Variants in IGFBP2 observed in about 807,000 individuals in gnomAD.
The protein encoded by IGFBP2 is insulin-like growth factor-binding protein 2.
IGFBP2 carries 12 observed loss-of-function variants against 26.2 expected under a neutral mutation model. The ratio of observed to expected loss-of-function variants is 0.46; its 90% CI spans 0.29 to 0.74. The LOEUF (loss-of-function observed/expected upper bound fraction) is 0.74. Ranked by LOEUF, IGFBP2 falls within the 30% of genes least tolerant of loss-of-function variation. IGFBP2 has a pLI of 0.09. For synonymous variants in IGFBP2, 189 were observed against 200.6 expected (o/e 0.94, Z 0.49); for missense variants, 328 against 441.2 (o/e 0.74, Z 2.30).
At chr2:216,656,279 C>A (rs757306412) in intron 1 of IGFBP2, among the ~76,000 whole-genome samples, 20 of 152,272 alleles carry the variant, frequency 1.3e-4, no homozygotes, top group South Asian at 4.1e-4. Flanking sequence ...GGCTGAAAGT[C>A]CTCTAGGAAG....
chr2:216,660,520 T>G, intron 1 of IGFBP2, 37 bp from the exon 2 acceptor site: 1 of 1,521,142 alleles, frequency 6.6e-7, no homozygotes, highest in Non-Finnish European at 8.9e-7. Flanking sequence ...TCTGGGAAAC[T>G]GGACCTGGAG....
chr2:216,649,137 G>T (rs1304276432), intron 1 of IGFBP2, among the ~76,000 whole-genome samples: 2 of 152,184 alleles, frequency 1.3e-5, no homozygotes, highest in Non-Finnish European at 2.9e-5. Context: ...ATATATGATA[G>T]ATGACCAATA....
intron 1 of IGFBP2, among the ~76,000 whole-genome samples, chr2:216,654,713 C>T (rs1184206133): frequency 6.6e-6 from 1 of 152,244 alleles, no homozygotes; most frequent in Non-Finnish European, 1.5e-5. Flanking sequence ...TCTTGTTAAA[C>T]CATCTTTAAA....
intron 1 of IGFBP2, among the ~76,000 whole-genome samples, chr2:216,638,127 G>C (rs1697536598): frequency 6.6e-6 from 1 of 152,046 alleles, no homozygotes; most frequent in Non-Finnish European, 1.5e-5. Flanking sequence ...GGTGGAGCTT[G>C]CAGTGAGCTG....
chr2:216,652,678 G>A (rs893051663), intron 1 of IGFBP2, among the ~76,000 whole-genome samples: 7 of 152,220 alleles, frequency 4.6e-5, no homozygotes, highest in African/African-American at 1.7e-4. Flanking sequence ...AGCAGGGGGA[G>A]GAGGATGGTG....
In IGFBP2 at chr2:216,664,282, T is replaced by C; in HGVS notation, c.*178T>C. The C allele has an allele frequency of 1.3e-5, 6 of 475,372 alleles. No homozygotes were observed. Among genetic ancestry groups the C allele is most frequent in the South Asian group, 4.7e-5 (1 of 21,326 alleles). 29.4% of individuals were successfully genotyped at this position (475,372 alleles called of 1,614,324 possible). ...CCTCCCCGGCCTCTCTCTTCCCAGC[T>C]GCAGATGCCACACCTGCTCCTTCTT... On this transcript the variant is annotated 3_prime_UTR_variant, in exon 4 of 4. Coordinates refer to ENST00000233809, the MANE Select transcript of IGFBP2 (RefSeq NM_000597.3). This position sits in a 1 kb window ranked among gnomAD's most constrained non-coding sequence, Gnocchi z 4.6.
At chr2:216,645,602 G>C (rs1697696694) in intron 1 of IGFBP2, among the ~76,000 whole-genome samples, 1 of 152,228 alleles carries the variant, frequency 6.6e-6, no homozygotes, top group African/African-American at 2.4e-5. Context: ...CAGAAACTCA[G>C]ATAATCAAAT....
chr2:216,633,743 C>A lies in IGFBP2; in HGVS notation c.220C>A (p.Pro74Thr), dbSNP rs1487100362. The change falls in exon 1 of 4, where the codon CCA becomes ACA. Residue 74 changes from proline to threonine, a missense_variant. By Grantham distance (38) the Pro-to-Thr change is conservative. Coordinates refer to ENST00000233809, the MANE Select transcript of IGFBP2 (RefSeq NM_000597.3). ...CGCAGTGGCCGGAGGCGCCCGCATG[C>A]CATGCGCGGAGCTCGTCCGGGAGCC... ...VAAVAGGARM[P>T]CAELVREPGC... The A allele has an allele frequency of 3.1e-6, 4 of 1,288,268 alleles. No individual in the cohort carries two copies. The highest frequency in any genetic ancestry group is 4.1e-5 in the Admixed American group (1 of 24,194). 79.8% of individuals were successfully genotyped at this position (1,288,268 alleles called of 1,614,324 possible).
At chr2:216,647,221 C>A (rs1158213613) in intron 1 of IGFBP2, among the ~76,000 whole-genome samples, 1 of 151,990 alleles carries the variant, frequency 6.6e-6, no homozygotes, top group Non-Finnish European at 1.5e-5. Flanking sequence ...TCTACTTCTT[C>A]AGTCTTGGAA....
rs1553545477 is a variant in IGFBP2, at chr2:216,633,573, T to TGCCGCCGCC, written c.52_53insCGCCGCCGC (p.Leu17_Leu18insProProPro). ...GCGCTGCCGCTGCCGCCGCCGCCGC[T>TGCCGCCGCC]GCTGCCGCTGCTGCTGCTGCTACTG... On this transcript the variant is annotated inframe_insertion, in exon 1 of 4. Transcript: ENST00000233809. The TGCCGCCGCC allele has an allele frequency of 5.4e-5, 55 of 1,010,706 alleles. No individual in the cohort carries two copies. Among genetic ancestry groups the TGCCGCCGCC allele is most frequent in the East Asian group, 1.0e-4 (1 of 9,850 alleles). The allele number at this position is 1,010,706 out of a possible 1,614,324, so 62.6% of individuals were successfully genotyped here.
chr2:216,643,526 G>A (rs1026202052), intron 1 of IGFBP2, among the ~76,000 whole-genome samples: 1 of 152,196 alleles, frequency 6.6e-6, no homozygotes, highest in Non-Finnish European at 1.5e-5. Flanking sequence ...ACAAGGCAAA[G>A]TACTGCCATT....
intron 1 of IGFBP2, among the ~76,000 whole-genome samples, chr2:216,649,929 G>C (rs1697787441): frequency 6.6e-6 from 1 of 152,196 alleles, no homozygotes. Context: ...CCCTCTGCAT[G>C]TATCCAAGCA....
At chr2:216,645,152 G>A (rs1419016763) in intron 1 of IGFBP2, among the ~76,000 whole-genome samples, 1 of 152,192 alleles carries the variant, frequency 6.6e-6, no homozygotes, top group Non-Finnish European at 1.5e-5. Flanking sequence ...CTTGTGCCCT[G>A]TGCCCTGCCC....
intron 1 of IGFBP2, among the ~76,000 whole-genome samples, chr2:216,638,750 A>T (rs960176944): frequency 3.3e-5 from 5 of 151,214 alleles, no homozygotes; most frequent in African/African-American, 1.2e-4. Context: ...CCCAGGCTGG[A>T]GTGCAGTGGT....
chr2:216,656,356 A>G (rs189578929), intron 1 of IGFBP2, among the ~76,000 whole-genome samples: 2 of 152,294 alleles, frequency 1.3e-5, no homozygotes, highest in East Asian at 3.9e-4. Flanking sequence ...ATGGAAGGGT[A>G]GCGGAGGGGT....
At chr2:216,640,645 A>G (rs1189452984) in intron 1 of IGFBP2, among the ~76,000 whole-genome samples, 1 of 152,152 alleles carries the variant, frequency 6.6e-6, no homozygotes, top group African/African-American at 2.4e-5. Context: ...ACTCAGCGAT[A>G]CGAAAATGCT....
chr2:216,638,334 A>G (rs1346415480), intron 1 of IGFBP2, among the ~76,000 whole-genome samples: 2 of 147,276 alleles, frequency 1.4e-5, no homozygotes, highest in African/African-American at 5.0e-5. Context: ...GTGAAACCCC[A>G]TCTCTACTAA....
At chr2:216,662,086 T>G (rs1048614823) in intron 3 of IGFBP2, 88 bp downstream of exon 3, 2 of 1,438,420 alleles carry the variant, frequency 1.4e-6, no homozygotes, top group Admixed American at 1.7e-5. Flanking sequence ...CCGCCTATGA[T>G]CCTCTGAGGT....
intron 1 of IGFBP2, among the ~76,000 whole-genome samples, chr2:216,639,216 G>C (rs1462189041): frequency 2.6e-5 from 4 of 151,780 alleles, no homozygotes; most frequent in Non-Finnish European, 1.5e-5. Context: ...TGTATTTTTA[G>C]TAGAGGCAGG....
Sources: allele counts gnomAD v4.1 joint callset (sites outside exome capture counted in the v4.1 genomes callset), GRCh38; gene constraint gnomAD v4.1.1; non-coding constraint Gnocchi (gnomAD v3.1); transcripts MANE v1.5; gene names NCBI Gene and HGNC (gene_info 2026-07-23, HGNC 2026-07-21).